CSMD2: variants seen among roughly 807,000 people sequenced by gnomAD.
The protein encoded by CSMD2 is CUB and Sushi multiple domains 2.
CSMD2 carries 130 observed loss-of-function variants against 398.5 expected under a neutral mutation model. The observed-to-expected ratio is 0.33, with a 90% CI of 0.28 to 0.38. The LOEUF (loss-of-function observed/expected upper bound fraction) is 0.38. Among genes scored for constraint, CSMD2 ranks in the 10% least tolerant of loss-of-function variants. The pLI, the probability that CSMD2 is intolerant of heterozygous loss-of-function variation, is 1.00. For missense variants in CSMD2, 3,829 were observed against 4,764.9 expected (o/e 0.80, Z 5.78); for synonymous variants, 1,828 against 1,908.5 (o/e 0.96, Z 1.10).
chr1:34,093,172 C>T (rs1385572999), intron 1 of CSMD2, among the ~76,000 whole-genome samples: 27 of 152,092 alleles, frequency 1.8e-4, no homozygotes, highest in Admixed American at 7.9e-4. Flanking sequence ...CTGCAGGGTA[C>T]TCCAACAGAC....
intron 1 of CSMD2, among the ~76,000 whole-genome samples, chr1:34,142,784 C>A (rs921420961): frequency 6.6e-6 from 1 of 152,156 alleles, no homozygotes; most frequent in Non-Finnish European, 1.5e-5. Context: ...ATCTCTCTTA[C>A]GGACCTGTTT....
At chr1:33,790,826 T>TATCTATC (rs1553207672) in intron 11 of CSMD2, among the ~76,000 whole-genome samples, 11 of 152,184 alleles carry the variant, frequency 7.2e-5, no homozygotes, top group African/African-American at 2.7e-4. Context: ...TCTATCTATC[T>TATCTATC]ATCTATCTAT....
intron 1 of CSMD2, among the ~76,000 whole-genome samples, chr1:34,103,368 G>T (rs188721655): frequency 1.4e-5 from 2 of 141,714 alleles, no homozygotes; most frequent in Non-Finnish European, 3.0e-5. Context: ...GTGCGATCTC[G>T]GCTCACTGCT....
chr1:33,657,204 A>G (rs1643972733), intron 27 of CSMD2, among the ~76,000 whole-genome samples: 1 of 152,132 alleles, frequency 6.6e-6, no homozygotes, highest in African/African-American at 2.4e-5. Flanking sequence ...AAGAAACAAA[A>G]CCTGTAATCC....
chr1:33,804,931 T>C (rs1276421330), intron 10 of CSMD2: 2 of 716,500 alleles, frequency 2.8e-6, no homozygotes, highest in East Asian at 2.7e-5. Context: ...TCAGCCTTTC[T>C]GGGCTCCCTC....
chr1:34,122,783 T>C (rs545801289), intron 1 of CSMD2, among the ~76,000 whole-genome samples: 1 of 152,314 alleles, frequency 6.6e-6, no homozygotes, highest in South Asian at 2.1e-4. Flanking sequence ...CTGAAAGTTC[T>C]TTGAGAGGTG....
At chr1:33,870,035 C>T (rs1640345414) in intron 5 of CSMD2, among the ~76,000 whole-genome samples, 1 of 152,180 alleles carries the variant, frequency 6.6e-6, no homozygotes, top group Non-Finnish European at 1.5e-5. Context: ...GCATAGGAAT[C>T]TTGGTTTTAG....
At chr1:33,783,431 T>TCTCTCTCTCTCTCTC (rs1653056945) in intron 12 of CSMD2, among the ~76,000 whole-genome samples, 1 of 135,150 alleles carries the variant, frequency 7.4e-6, no homozygotes, top group African/African-American at 2.9e-5. Context: ...CATTCTCTCA[T>TCTCTCTCTCTCTCTC]TCTCTCTCTC....
intron 53 of CSMD2, among the ~76,000 whole-genome samples, chr1:33,560,879 G>A (rs933044): frequency 0.12 from 17,731 of 152,212 alleles, 1,334 homozygotes; most frequent in African/African-American, 0.2. Flanking sequence ...GTGAATCAGC[G>A]AATGAGTAAG....
At chr1:33,797,211 T>TC (rs1161254976) in intron 10 of CSMD2, among the ~76,000 whole-genome samples, 5 of 152,134 alleles carry the variant, frequency 3.3e-5, no homozygotes, top group Non-Finnish European at 7.4e-5. Flanking sequence ...TTGCACCCCC[T>TC]CCCCTTTTGA....
intron 24 of CSMD2, among the ~76,000 whole-genome samples, chr1:33,697,199 T>C (rs897996623): frequency 1.3e-5 from 2 of 152,208 alleles, no homozygotes; most frequent in African/African-American, 4.8e-5. Flanking sequence ...TCATCATCCC[T>C]CCTTTTCATT....
At chr1:33,652,177 G>T in intron 28 of CSMD2, 146 bp downstream of exon 28, 1 of 766,000 alleles carries the variant, frequency 1.3e-6, no homozygotes, top group Non-Finnish European at 2.2e-6. Flanking sequence ...TTCAATAAAT[G>T]CTAGTTTCTC....
chr1:34,047,789 G>T (rs1156653250), intron 2 of CSMD2, among the ~76,000 whole-genome samples: 1 of 152,170 alleles, frequency 6.6e-6, no homozygotes, highest in Non-Finnish European at 1.5e-5. Context: ...GGATACGGAG[G>T]TCATCTCAAA....
At chr1:33,823,176 T>G (rs1658359292) in intron 7 of CSMD2, among the ~76,000 whole-genome samples, 1 of 152,040 alleles carries the variant, frequency 6.6e-6, no homozygotes. Flanking sequence ...TCCCCTTTCC[T>G]CAGCCAGCCC....
intron 2 of CSMD2, among the ~76,000 whole-genome samples, chr1:34,077,395 T>C (rs1189749100): frequency 1.5e-5 from 2 of 132,612 alleles, no homozygotes; most frequent in East Asian, 4.3e-4. Context: ...AGGCGGAGCT[T>C]GCACTGAGCC....
chr1:33,858,501 G>A (rs1405070092), intron 5 of CSMD2, among the ~76,000 whole-genome samples: 2 of 152,162 alleles, frequency 1.3e-5, no homozygotes, highest in African/African-American at 2.4e-5. Context: ...ATTGCTGTGT[G>A]GCCTTGGATA....
At chr1:34,058,824 T>A (rs1375702240) in intron 2 of CSMD2, among the ~76,000 whole-genome samples, 1 of 152,096 alleles carries the variant, frequency 6.6e-6, no homozygotes, top group Non-Finnish European at 1.5e-5. Flanking sequence ...ATTACATGAT[T>A]GCTCTACCAC....
intron 4 of CSMD2, among the ~76,000 whole-genome samples, chr1:33,931,323 G>A (rs1008590885): frequency 1.3e-4 from 20 of 152,372 alleles, no homozygotes; most frequent in African/African-American, 4.3e-4. Flanking sequence ...CAGGATGGGT[G>A]TATGGTGGGT....
intron 25 of CSMD2, among the ~76,000 whole-genome samples, chr1:33,692,356 A>T (rs538460557): frequency 6.6e-6 from 1 of 152,282 alleles, no homozygotes; most frequent in Admixed American, 6.5e-5. Context: ...TCTAAAATAC[A>T]AGCATTTCTG....
Sources: gnomAD v4.1 joint callset for allele counts (sites outside exome capture counted in the v4.1 genomes callset) on GRCh38, gnomAD v4.1.1 for gene constraint, MANE v1.5 for transcripts, NCBI Gene and HGNC (gene_info 2026-07-23, HGNC 2026-07-21) for gene names.